SPRED2: variants seen among roughly 807,000 people sequenced by gnomAD.
SPRED2 encodes sprouty related EVH1 domain containing 2, also known as sprouty-related, EVH1 domain-containing protein 2.
Under a neutral mutation model 43.0 loss-of-function variants are expected in SPRED2, and 47 were observed. The ratio of observed to expected loss-of-function variants is 1.09; its 90% CI spans 0.87 to 1.40. The LOEUF (loss-of-function observed/expected upper bound fraction) is 1.40, where lower values mean the gene tolerates loss of function less well. Ranked by LOEUF, SPRED2 falls within the 40% of genes most tolerant of loss-of-function variation. The probability of loss-of-function intolerance (pLI) is 0.00; values close to 1 mark genes in which losing one functional copy is unlikely to be tolerated. For missense variants in SPRED2, 561 were observed against 586.4 expected (o/e 0.96, Z 0.45); for synonymous variants, 225 against 225.7 (o/e 1.00, Z 0.03).
chr2:65,427,583 C>A (rs1427067438), intron 1 of SPRED2, among the ~76,000 whole-genome samples: 1 of 152,186 alleles, frequency 6.6e-6, no homozygotes, highest in African/African-American at 2.4e-5. Flanking sequence ...TCTGAATTTG[C>A]ACTACTCCCA....
chr2:65,360,583 A>G lies in SPRED2; in HGVS notation c.27-15687T>C, dbSNP rs1674787108. On this transcript the variant is annotated intron_variant, in intron 1 of 5. Transcript: ENST00000356388. ...CGTCAGTCACAAAAAGAAATACTGC[A>G]TGATTTGTTCCGCTTACACCAGCTA... Among the ~76,000 whole-genome samples, 5 of 152,236 alleles carry G rather than the reference A, an allele frequency of 3.3e-5. No individual in the cohort carries two copies. The South Asian group carries it at 1.0e-3, about 31-fold the overall frequency.
chr2:65,313,323 T>C lies in SPRED2; in HGVS notation c.*178A>G, dbSNP rs1572825965. ...GCTGCAGTGTGGGCGGCAGGGGGAG[T>C]GGAGAGTCTACCCGGCAGCGTCCCT... On this transcript the variant is annotated 3_prime_UTR_variant, in exon 6 of 6. Coordinates refer to ENST00000356388, the MANE Select transcript of SPRED2 (RefSeq NM_181784.3). 9.7e-6 allele frequency: 14 copies of C among 1,438,916 alleles called. No homozygotes were observed. The highest frequency in any genetic ancestry group is 1.3e-5 in the Non-Finnish European group (14 of 1,103,786). 89.1% of individuals were successfully genotyped at this position (1,438,916 alleles called of 1,614,324 possible).
intron 1 of SPRED2, among the ~76,000 whole-genome samples, chr2:65,429,589 T>C (rs1252674583): frequency 7.2e-5 from 11 of 152,146 alleles, no homozygotes; most frequent in African/African-American, 9.7e-5. Flanking sequence ...GTCACTAACA[T>C]TTAAAAGGAA....
intron 1 of SPRED2, among the ~76,000 whole-genome samples, chr2:65,377,240 A>G (rs1010764330): frequency 1.2e-4 from 19 of 152,242 alleles, no homozygotes; most frequent in African/African-American, 4.6e-4. Context: ...CCATCTAACC[A>G]TGATACAAAG....
chr2:65,376,158 C>T (rs1675232052), intron 1 of SPRED2, among the ~76,000 whole-genome samples: 1 of 152,216 alleles, frequency 6.6e-6, no homozygotes, highest in Non-Finnish European at 1.5e-5. Flanking sequence ...CACCTGCCTT[C>T]CCTGTTCCCT....
At chr2:65,384,167 A>G (rs965753737) in intron 1 of SPRED2, among the ~76,000 whole-genome samples, 3 of 151,126 alleles carry the variant, frequency 2.0e-5, no homozygotes, top group African/African-American at 4.9e-5. Context: ...GAGCCGGCCT[A>G]TCTCCACCAG....
intron 1 of SPRED2, among the ~76,000 whole-genome samples, chr2:65,359,603 C>T (rs915949644): frequency 6.6e-6 from 1 of 152,148 alleles, no homozygotes. Flanking sequence ...GGGAGCCCAA[C>T]CAAGCTTTAA....
intron 1 of SPRED2, among the ~76,000 whole-genome samples, chr2:65,394,014 G>A (rs77861650): frequency 1.3e-5 from 2 of 152,160 alleles, no homozygotes; most frequent in East Asian, 3.9e-4. Context: ...AAAATGTTAT[G>A]AGGAGTATAA....
chr2:65,418,558 T>C (rs1188505873), intron 1 of SPRED2, among the ~76,000 whole-genome samples: 2 of 152,116 alleles, frequency 1.3e-5, no homozygotes, highest in East Asian at 3.8e-4. Context: ...TCTTTCTTTC[T>C]TTTTTCTTTT....
At chr2:65,401,937 G>GCACACACACACACA (rs1553426622) in intron 1 of SPRED2, among the ~76,000 whole-genome samples, 4 of 114,700 alleles carry the variant, frequency 3.5e-5, no homozygotes, top group African/African-American at 1.0e-4. Context: ...GCGCGCGCGC[G>GCACACACACACACA]CACACACACA....
At chr2:65,327,604 T>C (rs1673665488) in intron 4 of SPRED2, among the ~76,000 whole-genome samples, 1 of 151,928 alleles carries the variant, frequency 6.6e-6, no homozygotes, top group Admixed American at 6.6e-5. Flanking sequence ...CACCCCACCC[T>C]GTGTTGGGTC....
chr2:65,377,547 G>C, intron 1 of SPRED2: 1 of 471,098 alleles, frequency 2.1e-6, no homozygotes, highest in South Asian at 1.5e-5. Flanking sequence ...CTCATAGAGG[G>C]GGAACACTGT....
chr2:65,429,414 C>A (rs1461102506), intron 1 of SPRED2, among the ~76,000 whole-genome samples: 1 of 152,140 alleles, frequency 6.6e-6, no homozygotes, highest in South Asian at 2.1e-4. Flanking sequence ...AAAAACAGAT[C>A]AAATTCACCC....
In SPRED2 at chr2:65,313,843, C is replaced by T. The variant is rs1255919389; in HGVS notation, c.915G>A (p.Glu305=). 1 of 1,612,036 alleles carries T rather than the reference C, an allele frequency of 6.2e-7. No individual in the cohort carries two copies. Among genetic ancestry groups the T allele is most frequent in the Non-Finnish European group, 8.5e-7 (1 of 1,179,930 alleles). The stretch of plus-strand genomic sequence containing the variant: ...CCCTGCAGTACACGCACCGCGAGCG[C>T]TCTCCGTCCTCCTTCCGCCGCCGCG... The part of the protein sequence containing the change: ...GKSRRRKEDG[E]RSRCVYCRDM... Residue 305 remains glutamate, a synonymous_variant, in exon 6 of 6, where the codon GAG becomes GAA. Coordinates refer to ENST00000356388, the MANE Select transcript of SPRED2 (RefSeq NM_181784.3).
chr2:65,382,490 G>A (rs1675396166), intron 1 of SPRED2, among the ~76,000 whole-genome samples: 1 of 152,216 alleles, frequency 6.6e-6, no homozygotes, highest in South Asian at 2.1e-4. Context: ...AGGAGCCTCT[G>A]GGAATGTACT....
At chr2:65,332,365 G>A (rs774566903) in intron 3 of SPRED2, 9 of 239,646 alleles carry the variant, frequency 3.8e-5, no homozygotes, top group Non-Finnish European at 7.5e-5. Flanking sequence ...CCACTCCTCT[G>A]AGGGACATGC....
intron 1 of SPRED2, among the ~76,000 whole-genome samples, chr2:65,415,706 T>G (rs1295622413): frequency 6.6e-6 from 1 of 152,190 alleles, no homozygotes. Flanking sequence ...AATTTTGGAC[T>G]GCTGTAGGTG....
At chr2:65,400,964 T>A (rs1443425661) in intron 1 of SPRED2, among the ~76,000 whole-genome samples, 5 of 152,110 alleles carry the variant, frequency 3.3e-5, no homozygotes, top group African/African-American at 9.7e-5. Flanking sequence ...ATCATCATTT[T>A]AAAATTTTTA....
chr2:65,401,955 A>G lies in SPRED2; in HGVS notation c.26+30007T>C, dbSNP rs1214052665. Among the ~76,000 whole-genome samples, 272 of 151,342 alleles carry G rather than the reference A, an allele frequency of 1.8e-3. 3 individuals are homozygous for G. The highest frequency in any genetic ancestry group is 5.5e-3 in the Admixed American group (84 of 15,218). On this transcript the variant is annotated intron_variant, in intron 1 of 5. Coordinates refer to ENST00000356388, the MANE Select transcript of SPRED2 (RefSeq NM_181784.3). ...CGCGCGCGCACACACACACACACAC[A>G]CACACACACACACACACACCTGTTA...
Sources: gnomAD v4.1 joint callset for allele counts (sites outside exome capture counted in the v4.1 genomes callset) on GRCh38, gnomAD v4.1.1 for gene constraint, MANE v1.5 for transcripts, NCBI Gene and HGNC (gene_info 2026-07-23, HGNC 2026-07-21) for gene names.